The following VKORC1L1 variants were observed in gnomAD, a reference collection of about 807,000 sequenced individuals.
VKORC1L1 encodes vitamin K epoxide reductase complex subunit 1-like protein 1.
Under a neutral mutation model 18.9 loss-of-function variants are expected in VKORC1L1, and 2 were observed. The ratio of observed to expected loss-of-function variants is 0.11; its 90% confidence interval spans 0.04 to 0.33. The LOEUF (loss-of-function observed/expected upper bound fraction) is 0.33, where lower values mean the gene tolerates loss of function less well. VKORC1L1 is among the 10% of genes least tolerant of loss of function. VKORC1L1 has a pLI of 1.00. For synonymous variants in VKORC1L1, 96 were observed against 100.0 expected, an observed-to-expected ratio of 0.96 and a Z score of 0.24; for missense variants, 123 against 224.1, an observed-to-expected ratio of 0.55 and a Z score of 2.88.
At chr7:65,907,675 A>G (rs1217954707) in intron 1 of VKORC1L1, among the ~76,000 whole-genome samples, 2 of 152,144 alleles carry the variant, frequency 1.3e-5, no homozygotes, top group Non-Finnish European at 2.9e-5. Flanking sequence ...TTTTAATCAG[A>G]GAGAAAAGGT....
intron 1 of VKORC1L1, among the ~76,000 whole-genome samples, chr7:65,946,396 C>G (rs1790119372): frequency 6.6e-6 from 1 of 152,126 alleles, no homozygotes; most frequent in Non-Finnish European, 1.5e-5. Flanking sequence ...CTGCCCACAG[C>G]TATGGATCTC....
chr7:65,905,393 C>T (rs912376579), intron 1 of VKORC1L1, among the ~76,000 whole-genome samples: 27 of 152,066 alleles, frequency 1.8e-4, no homozygotes, highest in African/African-American at 5.3e-4. Flanking sequence ...TCACTACAAC[C>T]TCTGCCTTCT....
intron 1 of VKORC1L1, among the ~76,000 whole-genome samples, chr7:65,945,931 A>C (rs1790112890): frequency 6.8e-6 from 1 of 147,578 alleles, no homozygotes; most frequent in African/African-American, 2.5e-5. Context: ...AGTGATTTAA[A>C]TTGGAATTCC....
At chr7:65,879,395 C>G (rs1271396815) in intron 1 of VKORC1L1, among the ~76,000 whole-genome samples, 2 of 152,120 alleles carry the variant, frequency 1.3e-5, no homozygotes, top group Non-Finnish European at 2.9e-5. Flanking sequence ...GGAAGTGAAT[C>G]TGGACTGTAG....
intron 1 of VKORC1L1, among the ~76,000 whole-genome samples, chr7:65,880,487 A>T (rs1397599556): frequency 6.6e-6 from 1 of 151,986 alleles, no homozygotes; most frequent in African/African-American, 2.4e-5. Context: ...AGGAAGGAGA[A>T]AGGGGTTCTG....
the VKORC1L1 span, among the ~76,000 whole-genome samples, chr7:65,866,911 C>A: frequency 6.6e-6 from 1 of 152,098 alleles, no homozygotes; most frequent in South Asian, 2.1e-4. Flanking sequence ...AGAAGAAGAG[C>A]TGGGTGTGGT....
At chr7:65,933,376 T>C (rs1012328606) in intron 1 of VKORC1L1, among the ~76,000 whole-genome samples, 9 of 152,220 alleles carry the variant, frequency 5.9e-5, no homozygotes, top group Admixed American at 1.3e-4. Flanking sequence ...TACCGTTATA[T>C]GTCTCTTTCT....
At chr7:65,866,380 G>A in the VKORC1L1 span, among the ~76,000 whole-genome samples, 1 of 152,176 alleles carries the variant, frequency 6.6e-6, no homozygotes, top group East Asian at 1.9e-4. Context: ...GGAAATGTGT[G>A]CAAGATAAGG....
upstream of VKORC1L1, among the ~76,000 whole-genome samples, chr7:65,872,860 G>A (rs1192961121): frequency 1.3e-5 from 2 of 152,034 alleles, no homozygotes; most frequent in Non-Finnish European, 2.9e-5. Context: ...GGGGCCGAGG[G>A]TTCGCCCAGT....
At chr7:65,880,134 G>A (rs1203561586) in intron 1 of VKORC1L1, among the ~76,000 whole-genome samples, 1 of 152,160 alleles carries the variant, frequency 6.6e-6, no homozygotes, top group African/African-American at 2.4e-5. Context: ...GATTACAGGT[G>A]TGAGCCACCA....
At chr7:65,873,919 G>C (rs560627322) in intron 1 of VKORC1L1, among the ~76,000 whole-genome samples, 2 of 152,222 alleles carry the variant, frequency 1.3e-5, no homozygotes, top group African/African-American at 4.8e-5. Context: ...AGGCTGGCTT[G>C]ACAGGTTTCC....
In VKORC1L1 at chr7:65,947,293, A is replaced by G. The variant is rs185353178; in HGVS notation, c.195-1378A>G. On this transcript the variant is annotated intron_variant, in intron 1 of 2. Coordinates refer to ENST00000360768, the MANE Select transcript of VKORC1L1 (RefSeq NM_173517.6). Reference sequence around the variant, plus strand: ...TTCTATATCTTGGGCATCAAGTGCTATTAAACTATTGTGGCCTGTGAAGAA... The same window carrying G: ...TTCTATATCTTGGGCATCAAGTGCTGTTAAACTATTGTGGCCTGTGAAGAA... Among the ~76,000 whole-genome samples the G allele has an allele frequency of 4.4e-3, 671 of 152,282 alleles. 1 individual carries two copies. The highest frequency in any genetic ancestry group is 6.5e-3 in the Non-Finnish European group (445 of 68,028).
At position 65,873,263 on chromosome 7, in the gene VKORC1L1, CGGCGGCGGCGGA is replaced by C; in HGVS notation, c.-100_-89del. On this transcript the variant is annotated 5_prime_UTR_variant, in exon 1 of 3. Coordinates refer to ENST00000360768, the MANE Select transcript of VKORC1L1 (RefSeq NM_173517.6). ...GCGGCGGCGGCGGCGGCGGTGGTGG[CGGCGGCGGCGGA>C]GGCGGCGGTGGCGGCGGTGGCGGCT... 1 of 947,460 alleles carries C rather than the reference CGGCGGCGGCGGA, an allele frequency of 1.1e-6. No homozygotes were observed. Among genetic ancestry groups the C allele is most frequent in the Middle Eastern group, 5.4e-4 (1 of 1,850 alleles). 58.7% of individuals were successfully genotyped at this position (947,460 alleles called of 1,614,324 possible).
chr7:65,880,520 G>A (rs1208292759), intron 1 of VKORC1L1, among the ~76,000 whole-genome samples: 1 of 151,502 alleles, frequency 6.6e-6, no homozygotes, highest in East Asian at 1.9e-4. Flanking sequence ...GAGGGGGAGG[G>A]AAAAGAGTTT....
intron 1 of VKORC1L1, among the ~76,000 whole-genome samples, chr7:65,913,217 TA>T (rs1439663917): frequency 9.8e-5 from 15 of 152,322 alleles, no homozygotes; most frequent in African/African-American, 3.6e-4. Flanking sequence ...TTAATTCTGA[TA>T]GTGAATTTTC....
chr7:65,895,516 T>TATATACAC (rs370356956), intron 1 of VKORC1L1, among the ~76,000 whole-genome samples: 54 of 71,550 alleles, frequency 7.5e-4, no homozygotes, highest in Non-Finnish European at 1.3e-3. Flanking sequence ...TATATATATA[T>TATATACAC]ACACACACAC....
At chr7:65,895,516 T>TATATACACAC (rs370356956) in intron 1 of VKORC1L1, among the ~76,000 whole-genome samples, 213 of 71,392 alleles carry the variant, frequency 3.0e-3, no homozygotes, top group East Asian at 7.2e-3. Context: ...TATATATATA[T>TATATACACAC]ACACACACAC....
intron 1 of VKORC1L1, among the ~76,000 whole-genome samples, chr7:65,920,071 C>T (rs528190125): frequency 6.6e-6 from 1 of 152,162 alleles, no homozygotes; most frequent in South Asian, 2.1e-4. Flanking sequence ...TGCTCTGTTC[C>T]ATGCATCCTG....
intron 1 of VKORC1L1, among the ~76,000 whole-genome samples, chr7:65,875,773 A>G (rs767302191): frequency 1.3e-5 from 2 of 152,042 alleles, no homozygotes; most frequent in Non-Finnish European, 2.9e-5. Context: ...GTTTTTTTTG[A>G]GTGGTGATTG....
Sources: gnomAD v4.1 joint callset for allele counts (sites outside exome capture counted in the v4.1 genomes callset) on GRCh38, gnomAD v4.1.1 for gene constraint, MANE v1.5 for transcripts, NCBI Gene and HGNC (gene_info 2026-07-23, HGNC 2026-07-21) for gene names.